The following CASP1 variants were observed in gnomAD, a reference collection of about 807,000 sequenced individuals.
CASP1 encodes the protein caspase 1, also known as caspase-1.
Under a neutral mutation model 41.2 loss-of-function variants are expected in CASP1, and 31 were observed. That is an observed-to-expected ratio of 0.75 (90% confidence interval 0.57 to 1.02). CASP1 has a LOEUF of 1.02. CASP1 is among the 50% of genes least tolerant of loss of function. The pLI is 0.00. For missense variants in CASP1, 490 were observed against 495.7 expected (o/e 0.99, Z 0.11); for synonymous variants, 163 against 166.5 (o/e 0.98, Z 0.16).
Position 105,026,365 on chromosome 11 carries a change from G to A in CASP1, c.1117-9C>T. 6.4e-7 allele frequency: 1 copy of A among 1,565,460 alleles called. No individual in the cohort carries two copies. Among genetic ancestry groups the A allele is most frequent in the Non-Finnish European group, 8.8e-7 (1 of 1,141,186 alleles). ...TCAAATGAAAATCGAACCTAAAAGA[G>A]TAAGGAAAGTCTGTAGCCCTTTTTT... On this transcript the variant is annotated splice_polypyrimidine_tract_variant and intron_variant, in intron 8 of 8. Transcript: ENST00000533400.
upstream of CASP1, chr11:105,035,309 C>T (rs1179340442): frequency 2.9e-5 from 20 of 688,464 alleles, no homozygotes; most frequent in Non-Finnish European, 5.0e-5. Context: ...TTCACCAGCC[C>T]TTGGATAGAT....
intron 7 of CASP1, 32 bp from the exon 8 acceptor site, chr11:105,026,983 C>CT: frequency 8.4e-7 from 1 of 1,192,238 alleles, no homozygotes; most frequent in Non-Finnish European, 1.3e-6. Flanking sequence ...AATCTCAAGA[C>CT]TGGCTCTTGC....
Position 105,025,557 on chromosome 11 carries a change from C to T in CASP1, c.*701G>A. On this transcript the variant is annotated 3_prime_UTR_variant, in exon 9 of 9. Transcript: ENST00000533400. Reference sequence around the variant, plus strand: ...TATTTCAAAAAAGTTTATTATTCAGCAGACATAATTCCAAAAACCTTTACA... The same window carrying T: ...TATTTCAAAAAAGTTTATTATTCAGTAGACATAATTCCAAAAACCTTTACA... 1 of 426,606 alleles carries T rather than the reference C, an allele frequency of 2.3e-6. No homozygotes were observed. The highest frequency in any genetic ancestry group is 7.1e-5 in the East Asian group (1 of 14,046). 26.4% of individuals were successfully genotyped at this position (426,606 alleles called of 1,614,324 possible).
At position 105,026,116 on chromosome 11, in the gene CASP1, C is replaced by T. The variant is rs1233608558; in HGVS notation, c.*142G>A. ...TTGGATTTTAGAGCATTTCAAAATT[C>T]AAATTTTTGGATTAAGGATTCTCAG... On this transcript the variant is annotated 3_prime_UTR_variant, in exon 9 of 9. Coordinates refer to ENST00000533400, the MANE Select transcript of CASP1 (RefSeq NM_001257118.3). 5.4e-6 allele frequency: 3 copies of T among 556,590 alleles called. 1 individual carries two copies. The allele number at this position is 556,590 out of a possible 1,614,324, so 34.5% of individuals were successfully genotyped here.
chr11:105,036,636 TG>T (rs890042803), upstream of CASP1, among the ~76,000 whole-genome samples: 2 of 152,194 alleles, frequency 1.3e-5, no homozygotes, highest in African/African-American at 4.8e-5. Flanking sequence ...GCTCCTCTTT[TG>T]CCTTTTGCTA....
chr11:105,031,039 G>C, intron 4 of CASP1, 126 bp downstream of exon 4: 1 of 633,872 alleles, frequency 1.6e-6, no homozygotes, highest in East Asian at 2.7e-5. Context: ...TTTATGTAAG[G>C]GGAGCAGAAG....
At chr11:105,029,038 A>T in intron 7 of CASP1, 86 bp downstream of exon 7, 2 of 1,264,256 alleles carry the variant, frequency 1.6e-6, no homozygotes, top group Non-Finnish European at 2.2e-6. Flanking sequence ...GTTGGTCTTG[A>T]GTTGTTAATC....
In CASP1 at chr11:105,026,896, A is replaced by T. The variant is rs1863331854; in HGVS notation, c.1062T>A (p.Ile354=). Reference sequence around the variant, plus strand: ...AACAGGCATATTCTTGCATATGTTCAATGAGTCTTCCAATAAAAACAGAGC... The same window carrying T: ...AACAGGCATATTCTTGCATATGTTCTATGAGTCTTCCAATAAAAACAGAGC... ...TMGSVFIGRL[I]EHMQEYACSC... Residue 354 remains isoleucine, a synonymous_variant, in exon 8 of 9, where the codon ATT becomes ATA. Transcript: ENST00000533400. The T allele has an allele frequency of 6.2e-7, 1 of 1,611,808 alleles. No individual in the cohort carries two copies. Among genetic ancestry groups the T allele is most frequent in the Non-Finnish European group, 8.5e-7 (1 of 1,178,066 alleles).
chr11:105,031,661 T>G (rs910749722), intron 3 of CASP1, among the ~76,000 whole-genome samples: 17 of 152,184 alleles, frequency 1.1e-4, no homozygotes, highest in Non-Finnish European at 2.5e-4. Flanking sequence ...GGATAAAATT[T>G]AATGGGATCA....
At chr11:105,028,613 A>C (rs1272790024) in intron 7 of CASP1, among the ~76,000 whole-genome samples, 1 of 152,166 alleles carries the variant, frequency 6.6e-6, no homozygotes, top group Non-Finnish European at 1.5e-5. Flanking sequence ...TGTCTGGGTC[A>C]GTCAATAATA....
At position 105,031,161 on chromosome 11, in the gene CASP1, G is replaced by A. The variant is rs1863668790; in HGVS notation, c.453+4C>T. On this transcript the variant is annotated splice_donor_region_variant and intron_variant, in intron 4 of 8. Coordinates refer to ENST00000533400, the MANE Select transcript of CASP1 (RefSeq NM_001257118.3). ...ACTCTATCCTTGGGTTCTGAGCATG[G>A]CACCTCTGCCGACTTTTGTTTCCAT... The A allele has an allele frequency of 2.6e-6, 4 of 1,557,196 alleles. No homozygotes were observed. The East Asian group carries it at 9.0e-5, about 35-fold the overall frequency.
chr11:105,029,088 G>A (rs1176357341), intron 7 of CASP1, 36 bp downstream of exon 7: 11 of 1,590,036 alleles, frequency 6.9e-6, no homozygotes, highest in Middle Eastern at 1.7e-4. Context: ...TCTATTGATA[G>A]CCCCAACAAA....
In CASP1 at chr11:105,030,403, T is replaced by C; in HGVS notation, c.554A>G (p.Asp185Gly). ...TAGCAGCATTGTCATGCCTGTGATG[T>C]CAACCTCAGCTCCAGTTCTTCTAGG... ...SIPRRTGAEV[D>G]ITGMTMLLQN... The change falls in exon 5 of 9, where the codon GAC (aspartate) becomes GGC (glycine). Residue 185 changes from aspartate (D) to glycine (G), a missense_variant. By Grantham distance (94) the Asp-to-Gly change is moderately conservative (BLOSUM62 -1). Coordinates refer to ENST00000533400, the MANE Select transcript of CASP1 (RefSeq NM_001257118.3). 6.2e-7 allele frequency: 1 copy of C among 1,613,712 alleles called. No individual in the cohort carries two copies. The highest frequency in any genetic ancestry group is 1.1e-5 in the South Asian group (1 of 91,080).
chr11:105,035,370 A>G, upstream of CASP1: 3 of 507,872 alleles, frequency 5.9e-6, no homozygotes, highest in Non-Finnish European at 1.1e-5. Context: ...TTGAAAAAGT[A>G]TGTGTACAAT....
Position 105,026,306 on chromosome 11 carries a change from AGTG to A in CASP1, c.1164_1166del (p.Thr389del), listed in dbSNP as rs1863277864. ...AACATCTTGTCAAAGTCACTCTTTC[AGTG>A]GTGGGCATCTGCGCTCTACCATCTG... On this transcript the variant is annotated inframe_deletion, in exon 9 of 9. Transcript: ENST00000533400. The A allele has an allele frequency of 1.2e-6, 2 of 1,612,234 alleles. No individual in the cohort carries two copies. Among genetic ancestry groups the A allele is most frequent in the South Asian group, 2.2e-5 (2 of 91,030 alleles).
At chr11:105,034,669 C>G in intron 1 of CASP1, 195 bp from the exon 2 acceptor site, 1 of 904,264 alleles carries the variant, frequency 1.1e-6, no homozygotes, top group South Asian at 1.7e-5. Context: ...ATGGAGTGAC[C>G]TGAAGACTGA....
rs1314848681 is a variant in CASP1, at chr11:105,026,001, A to C, written c.*257T>G. 3 of 382,602 alleles carry C rather than the reference A, an allele frequency of 7.8e-6. No individual in the cohort carries two copies. The highest frequency in any genetic ancestry group is 1.4e-5 in the Non-Finnish European group (3 of 211,316). The allele number at this position is 382,602 out of a possible 1,614,324, so 23.7% of individuals were successfully genotyped here. ...TATATTGGAATTCAGCTGTATACTTACTGGTTTAGCATCCCTAATCCAAAA... is the reference window on the plus strand; with the variant it reads ...TATATTGGAATTCAGCTGTATACTTCCTGGTTTAGCATCCCTAATCCAAAA... On this transcript the variant is annotated 3_prime_UTR_variant, in exon 9 of 9. Coordinates refer to ENST00000533400, the MANE Select transcript of CASP1 (RefSeq NM_001257118.3).
At chr11:105,030,800 A>T (rs1863644039) in intron 4 of CASP1, 1 of 385,732 alleles carries the variant, frequency 2.6e-6, no homozygotes, top group Non-Finnish European at 4.6e-6. Context: ...CCAATTTCTG[A>T]TTGTTTTTCT....
Position 105,026,242 on chromosome 11 carries a change from A to G in CASP1, c.*16T>C, listed in dbSNP as rs764446107. On this transcript the variant is annotated 3_prime_UTR_variant, in exon 9 of 9. Transcript: ENST00000533400. Reference sequence around the variant, plus strand: ...CACATGTACCTGCCCACAGACATTCATACAGTTTCCTTATTTTAATGTCCT... The same window carrying G: ...CACATGTACCTGCCCACAGACATTCGTACAGTTTCCTTATTTTAATGTCCT... 4 of 1,521,934 alleles carry G rather than the reference A, an allele frequency of 2.6e-6. No individual in the cohort carries two copies. The highest frequency in any genetic ancestry group is 4.5e-5 in the East Asian group (2 of 44,416). The allele number at this position is 1,521,934 out of a possible 1,614,324, so 94.3% of individuals were successfully genotyped here.
Sources: allele counts gnomAD v4.1 joint callset (sites outside exome capture counted in the v4.1 genomes callset), GRCh38; gene constraint gnomAD v4.1.1; transcripts MANE v1.5; gene names NCBI Gene and HGNC (gene_info 2026-07-23, HGNC 2026-07-21).